TLN2: variants seen among roughly 807,000 people sequenced by gnomAD.
TLN2 encodes talin 2.
A neutral mutation model predicts 294.7 loss-of-function variants in TLN2; 118 were observed. That is an observed-to-expected ratio of 0.40 (90% confidence interval 0.34 to 0.47). The LOEUF is 0.47. TLN2 is among the 20% of genes least tolerant of loss of function. The pLI, the probability that TLN2 is intolerant of heterozygous loss-of-function variation, is 0.84. For synonymous variants in TLN2, 1,431 were observed against 1,304.5 expected (o/e 1.10, Z -2.09); for missense variants, 3,083 against 3,282.2 (o/e 0.94, Z 1.48).
chr15:62,533,185 C>T (rs2041143826), intron 1 of TLN2, among the ~76,000 whole-genome samples: 1 of 139,104 alleles, frequency 7.2e-6, no homozygotes, highest in African/African-American at 2.7e-5. Flanking sequence ...ACCCGGGAGG[C>T]AGAGGTTACA....
intron 45 of TLN2, among the ~76,000 whole-genome samples, chr15:62,786,231 A>T (rs568350234): frequency 6.6e-6 from 1 of 152,230 alleles, no homozygotes; most frequent in African/African-American, 2.4e-5. Flanking sequence ...AGGGCCCCCT[A>T]TCACAACATG....
At chr15:62,784,083 T>TA (rs1880752346) in intron 45 of TLN2, 193 bp downstream of exon 45, 1 of 938,098 alleles carries the variant, frequency 1.1e-6, no homozygotes, top group East Asian at 2.6e-5. Flanking sequence ...CACTGCCCCT[T>TA]ATGGGGCAGA....
intron 39 of TLN2, chr15:62,763,318 C>A: frequency 2.8e-6 from 1 of 361,250 alleles, no homozygotes; most frequent in Non-Finnish European, 4.9e-6. Flanking sequence ...CTGGTATCAG[C>A]CTAAGGTGGA....
chr15:62,430,180 TTA>T (rs2034940606), intron 1 of TLN2, among the ~76,000 whole-genome samples: 1 of 152,206 alleles, frequency 6.6e-6, no homozygotes, highest in Admixed American at 6.5e-5. Context: ...AAGCTAGCAT[TTA>T]TTGGTGTTTC....
chr15:62,546,616 G>A (rs2042008407), intron 1 of TLN2, among the ~76,000 whole-genome samples: 2 of 152,170 alleles, frequency 1.3e-5, no homozygotes, highest in South Asian at 2.1e-4. Flanking sequence ...AGCATAGAGA[G>A]CCCCTCTTAG....
chr15:62,549,480 G>GCATGCATCCATCCATCCATC (rs2042173972), intron 1 of TLN2, among the ~76,000 whole-genome samples: 1 of 147,756 alleles, frequency 6.8e-6, no homozygotes, highest in Non-Finnish European at 1.5e-5. Flanking sequence ...TGCATGCCAT[G>GCATGCATCCATCCATCCATC]CATCCATCCA....
chr15:62,494,139 A>G (rs1166283957), intron 1 of TLN2, among the ~76,000 whole-genome samples: 1 of 152,130 alleles, frequency 6.6e-6, no homozygotes, highest in South Asian at 2.1e-4. Context: ...CATGTCTTCA[A>G]TTATCCAAGT....
At chr15:62,643,715 G>A (rs1281384608) in intron 3 of TLN2, among the ~76,000 whole-genome samples, 1 of 152,068 alleles carries the variant, frequency 6.6e-6, no homozygotes, top group Non-Finnish European at 1.5e-5. Context: ...CAGCAGAGGG[G>A]AATTGACATG....
Position 62,549,172 on chromosome 15 carries a change from CCTT to C in TLN2, c.-237-40510_-237-40508del, listed in dbSNP as rs568113879. Among the ~76,000 whole-genome samples, 22 of 152,258 alleles carry C rather than the reference CCTT, an allele frequency of 1.4e-4. 1 individual carries two copies. The South Asian group carries it at 4.6e-3, about 32-fold the overall frequency. On this transcript the variant is annotated intron_variant, in intron 1 of 58. Coordinates refer to ENST00000636159, the MANE Select transcript of TLN2 (RefSeq NM_015059.3). ...TGAATGGCTTTGGAGGGAGACCTTT[CCTT>C]CTTCCTGTAGGGCTCCCTGAGAGCC...
At chr15:62,773,646 C>T (rs1056904140) in intron 42 of TLN2, among the ~76,000 whole-genome samples, 1 of 152,060 alleles carries the variant, frequency 6.6e-6, no homozygotes, top group Non-Finnish European at 1.5e-5. Context: ...TCCCTGTTTG[C>T]AGAAGAAATA....
At chr15:62,737,464 A>T (rs549137262) in intron 29 of TLN2, among the ~76,000 whole-genome samples, 5 of 152,110 alleles carry the variant, frequency 3.3e-5, no homozygotes, top group African/African-American at 4.8e-5. Flanking sequence ...GAAGTTTTCA[A>T]CCCTGGCGCT....
At chr15:62,835,401 A>T in intron 55 of TLN2, 1 of 327,100 alleles carries the variant, frequency 3.1e-6, no homozygotes, top group South Asian at 4.7e-5. Context: ...TATGAAATGG[A>T]GAAAGCTCAG....
chr15:62,408,047 T>C (rs4775499), intron 1 of TLN2, among the ~76,000 whole-genome samples: 20,299 of 152,080 alleles, frequency 0.13, 1,416 homozygotes, highest in Non-Finnish European at 0.15. Context: ...GCCACCATAG[T>C]TGTGAGCAAG....
chr15:62,705,289 G>C (rs561208934), intron 19 of TLN2, among the ~76,000 whole-genome samples: 14 of 152,162 alleles, frequency 9.2e-5, no homozygotes, highest in Admixed American at 2.0e-4. Flanking sequence ...CTCCAGTTAT[G>C]GGTAACTGAC....
At chr15:62,477,127 A>G (rs2037824086) in intron 1 of TLN2, among the ~76,000 whole-genome samples, 1 of 152,230 alleles carries the variant, frequency 6.6e-6, no homozygotes, top group South Asian at 2.1e-4. Context: ...GACGAGATCA[A>G]GTAAAAGCCT....
At chr15:62,456,100 C>T (rs1478141884) in intron 1 of TLN2, among the ~76,000 whole-genome samples, 2 of 151,966 alleles carry the variant, frequency 1.3e-5, no homozygotes, top group Admixed American at 6.5e-5. Context: ...CTGGATCAAG[C>T]CCCCAAGGGG....
intron 1 of TLN2, among the ~76,000 whole-genome samples, chr15:62,417,008 A>T (rs1480704362): frequency 6.6e-6 from 1 of 152,180 alleles, no homozygotes; most frequent in Non-Finnish European, 1.5e-5. Context: ...CCAGTGGCTC[A>T]GAAGCCTAAC....
At chr15:62,512,637 T>A (rs1386549229) in intron 1 of TLN2, among the ~76,000 whole-genome samples, 1 of 152,218 alleles carries the variant, frequency 6.6e-6, no homozygotes, top group Non-Finnish European at 1.5e-5. Context: ...GGTTCTGTAA[T>A]GACATTAGTT....
At chr15:62,697,378 G>C (rs1195792338) in intron 14 of TLN2, among the ~76,000 whole-genome samples, 1 of 152,050 alleles carries the variant, frequency 6.6e-6, no homozygotes, top group Non-Finnish European at 1.5e-5. Context: ...AAAAGGGCTG[G>C]GATTACAGGG....
Sources: allele counts gnomAD v4.1 joint callset (sites outside exome capture counted in the v4.1 genomes callset), GRCh38; gene constraint gnomAD v4.1.1; transcripts MANE v1.5; gene names NCBI Gene and HGNC (gene_info 2026-07-23, HGNC 2026-07-21).